The following MOB3B variants were observed in gnomAD, a reference collection of about 807,000 sequenced individuals.
MOB3B encodes the protein MOB kinase activator 3B.
Under a neutral mutation model 18.7 loss-of-function variants are expected in MOB3B, and 7 were observed. That is an observed-to-expected ratio of 0.37 (90% CI 0.21 to 0.70). The LOEUF (loss-of-function observed/expected upper bound fraction) is 0.70. Among genes scored for constraint, MOB3B ranks in the 30% least tolerant of loss-of-function variants. The pLI is 0.52. For missense variants in MOB3B, 253 were observed against 281.3 expected (o/e 0.90, Z 0.72); for synonymous variants, 111 against 99.9 (o/e 1.11, Z -0.66).
intron 1 of MOB3B, among the ~76,000 whole-genome samples, chr9:27,469,009 T>C (rs969178494): frequency 1.3e-5 from 2 of 152,256 alleles, no homozygotes. Flanking sequence ...TGGTAGAACT[T>C]TGTAAAGATC....
intron 1 of MOB3B, among the ~76,000 whole-genome samples, chr9:27,522,112 C>G (rs1406405667): frequency 2.0e-5 from 3 of 151,128 alleles, no homozygotes; most frequent in Non-Finnish European, 4.4e-5. Flanking sequence ...CATGGTGACG[C>G]GTGCCTGTAA....
chr9:27,338,635 A>G (rs1448849170), intron 3 of MOB3B, among the ~76,000 whole-genome samples: 4 of 152,260 alleles, frequency 2.6e-5, no homozygotes, highest in Admixed American at 6.5e-5. Context: ...TCCATGTGGC[A>G]AAGCGGGAAC....
chr9:27,351,662 A>C (rs558184077), intron 3 of MOB3B, among the ~76,000 whole-genome samples: 2 of 152,320 alleles, frequency 1.3e-5, no homozygotes, highest in African/African-American at 4.8e-5. Flanking sequence ...ATTGCTGGCT[A>C]CTTTAGGGAG....
At chr9:27,475,996 A>G (rs1403888760) in intron 1 of MOB3B, among the ~76,000 whole-genome samples, 1 of 152,178 alleles carries the variant, frequency 6.6e-6, no homozygotes, top group Non-Finnish European at 1.5e-5. Flanking sequence ...AAGCCCTACA[A>G]TGGCTTCCCA....
Position 27,336,940 on chromosome 9 carries a change from C to T in MOB3B, c.622-6324G>A, listed in dbSNP as rs186880890. ...GACACGAGGAAAGCTGCGAGTCCCC[C>T]GGAAAAGGCCGTCAAAGGGTATTGC... On this transcript the variant is annotated intron_variant, in intron 3 of 3. Coordinates refer to ENST00000262244, the MANE Select transcript of MOB3B (RefSeq NM_024761.5). Among the ~76,000 whole-genome samples, 52 of 152,300 alleles carry T rather than the reference C, an allele frequency of 3.4e-4. No homozygotes were observed. In the East Asian group the frequency reaches 5.2e-3, roughly 15 times the overall value.
chr9:27,350,951 G>A (rs1821096576), intron 3 of MOB3B, among the ~76,000 whole-genome samples: 1 of 150,878 alleles, frequency 6.6e-6, no homozygotes, highest in Non-Finnish European at 1.5e-5. Flanking sequence ...GCCCCAGGCT[G>A]GAGTGTGATG....
intron 3 of MOB3B, among the ~76,000 whole-genome samples, chr9:27,345,011 GCT>G (rs1415012331): frequency 6.6e-6 from 1 of 152,238 alleles, no homozygotes; most frequent in African/African-American, 2.4e-5. Context: ...GAACAGCCAT[GCT>G]CTGTCTCTTG....
At chr9:27,347,307 C>A (rs990429743) in intron 3 of MOB3B, among the ~76,000 whole-genome samples, 7 of 152,236 alleles carry the variant, frequency 4.6e-5, no homozygotes, top group African/African-American at 1.7e-4. Flanking sequence ...CTGATCTTGG[C>A]TATGCCTTTT....
chr9:27,421,892 G>A (rs1822257866), intron 2 of MOB3B, among the ~76,000 whole-genome samples: 1 of 152,094 alleles, frequency 6.6e-6, no homozygotes, highest in Non-Finnish European at 1.5e-5. Flanking sequence ...CTCTCTAGCT[G>A]CTTTTCTTCA....
intron 1 of MOB3B, among the ~76,000 whole-genome samples, chr9:27,477,797 C>T (rs754704901): frequency 2.0e-5 from 3 of 152,168 alleles, no homozygotes; most frequent in Non-Finnish European, 4.4e-5. Flanking sequence ...ACTGCTATCA[C>T]CCAGAGGGGT....
chr9:27,398,152 A>G (rs1056732939), intron 2 of MOB3B, among the ~76,000 whole-genome samples: 7 of 152,218 alleles, frequency 4.6e-5, no homozygotes, highest in Non-Finnish European at 1.0e-4. Flanking sequence ...GGAGGAGCTC[A>G]TGTGTTGTTA....
At chr9:27,476,249 A>C (rs1243658248) in intron 1 of MOB3B, among the ~76,000 whole-genome samples, 4 of 152,224 alleles carry the variant, frequency 2.6e-5, no homozygotes, top group Non-Finnish European at 1.5e-5. Flanking sequence ...ATAGAAATGT[A>C]CTGTCTCAGT....
At chr9:27,483,882 G>A (rs564883528) in intron 1 of MOB3B, among the ~76,000 whole-genome samples, 1 of 152,306 alleles carries the variant, frequency 6.6e-6, no homozygotes, top group East Asian at 1.9e-4. Flanking sequence ...ATTTGCTGCT[G>A]CTCGCCCTTC....
intron 3 of MOB3B, among the ~76,000 whole-genome samples, chr9:27,342,183 C>T (rs529498329): frequency 7.2e-5 from 11 of 152,216 alleles, no homozygotes; most frequent in East Asian, 3.9e-4. Context: ...TGGCTGACCT[C>T]GCGTCGCACC....
At chr9:27,397,863 A>G (rs1821824824) in intron 2 of MOB3B, among the ~76,000 whole-genome samples, 1 of 152,176 alleles carries the variant, frequency 6.6e-6, no homozygotes, top group Admixed American at 6.5e-5. Context: ...GTTTGTTGTG[A>G]GAGATTGTCC....
At chr9:27,405,810 A>G (rs573936856) in intron 2 of MOB3B, among the ~76,000 whole-genome samples, 60 of 152,230 alleles carry the variant, frequency 3.9e-4, no homozygotes, top group Non-Finnish European at 6.5e-4. Context: ...ATACCAATAG[A>G]ATGAAGGACA....
chr9:27,397,667 T>A (rs1053305403), intron 2 of MOB3B: 5 of 152,220 alleles, frequency 3.3e-5, no homozygotes, highest in African/African-American at 7.2e-5. Context: ...AGAATTGCTT[T>A]CATGACTAAA....
intron 1 of MOB3B, among the ~76,000 whole-genome samples, chr9:27,523,800 A>G (rs1419309620): frequency 6.6e-6 from 1 of 152,214 alleles, no homozygotes; most frequent in African/African-American, 2.4e-5. Context: ...AACCTAAACT[A>G]TACTGTGCTC....
At chr9:27,387,378 G>A (rs1236864634) in intron 2 of MOB3B, among the ~76,000 whole-genome samples, 7 of 152,144 alleles carry the variant, frequency 4.6e-5, no homozygotes, top group Non-Finnish European at 8.8e-5. Context: ...AAATAGTAAA[G>A]AGCCTGGATC....
Sources: allele counts gnomAD v4.1 joint callset (sites outside exome capture counted in the v4.1 genomes callset), GRCh38; gene constraint gnomAD v4.1.1; transcripts MANE v1.5; gene names NCBI Gene and HGNC (gene_info 2026-07-23, HGNC 2026-07-21).